DTD1: variants seen among roughly 807,000 people sequenced by gnomAD.
DTD1 encodes the protein D-tyrosyl-tRNA deacylase 1 homolog.
DTD1 carries 13 observed loss-of-function variants against 25.6 expected under a neutral mutation model. That is an observed-to-expected ratio of 0.51 (90% CI 0.33 to 0.81). The LOEUF is 0.81. Ranked by LOEUF, DTD1 falls within the 30% of genes least tolerant of loss-of-function variation. The pLI, the probability that DTD1 is intolerant of heterozygous loss-of-function variation, is 0.02. For synonymous variants in DTD1, 110 were observed against 103.6 expected, an observed-to-expected ratio of 1.06 and a Z score of -0.37; for missense variants, 193 against 266.4, an observed-to-expected ratio of 0.72 and a Z score of 1.92.
At chr20:18,697,708 A>G (rs1362912246) in intron 4 of DTD1, among the ~76,000 whole-genome samples, 1 of 152,232 alleles carries the variant, frequency 6.6e-6, no homozygotes, top group Non-Finnish European at 1.5e-5. Context: ...TTTTTGAGAC[A>G]GAGTCTCGCT....
At chr20:18,612,703 G>T (rs1224506073) in intron 3 of DTD1, among the ~76,000 whole-genome samples, 1 of 151,828 alleles carries the variant, frequency 6.6e-6, no homozygotes, top group Admixed American at 6.6e-5. Context: ...CTGTCGCCCA[G>T]GCTGGAGTGC....
chr20:18,694,733 A>G (rs1453492388), intron 4 of DTD1, among the ~76,000 whole-genome samples: 1 of 152,154 alleles, frequency 6.6e-6, no homozygotes, highest in Non-Finnish European at 1.5e-5. Context: ...GCAGACTCCT[A>G]CTTTTTTTTA....
chr20:18,615,523 G>C (rs561584768), intron 3 of DTD1, among the ~76,000 whole-genome samples: 1 of 152,296 alleles, frequency 6.6e-6, no homozygotes, highest in Non-Finnish European at 1.5e-5. Context: ...ATTGAACGCT[G>C]TCCAAGTTGA....
chr20:18,734,166 A>G (rs1007509405), intron 4 of DTD1, among the ~76,000 whole-genome samples: 3 of 152,172 alleles, frequency 2.0e-5, no homozygotes, highest in Admixed American at 6.5e-5. Context: ...TCAGACTCCT[A>G]TCCTCAGATT....
At chr20:18,748,297 ACCT>A (rs1324838141) in intron 5 of DTD1, among the ~76,000 whole-genome samples, 1 of 152,136 alleles carries the variant, frequency 6.6e-6, no homozygotes, top group African/African-American at 2.4e-5. Context: ...TGTATTATTA[ACCT>A]AATACATTTT....
chr20:18,721,151 A>G (rs547357145), intron 4 of DTD1, among the ~76,000 whole-genome samples: 194 of 152,276 alleles, frequency 1.3e-3, no homozygotes, highest in Non-Finnish European at 2.1e-3. Flanking sequence ...GACTGTCCTA[A>G]TTTTAGAGAC....
intron 4 of DTD1, among the ~76,000 whole-genome samples, chr20:18,740,799 A>G (rs1048955397): frequency 4.6e-5 from 7 of 152,234 alleles, no homozygotes; most frequent in African/African-American, 1.7e-4. Flanking sequence ...ATGAGACAGA[A>G]GGAGTCCTGT....
At chr20:18,690,755 A>G (rs1007802778) in intron 4 of DTD1, among the ~76,000 whole-genome samples, 6 of 151,074 alleles carry the variant, frequency 4.0e-5, no homozygotes, top group Non-Finnish European at 7.3e-5. Context: ...GCCTTATACT[A>G]TAGTTTAATG....
intron 4 of DTD1, among the ~76,000 whole-genome samples, chr20:18,668,739 A>G (rs2060941172): frequency 6.6e-6 from 1 of 152,202 alleles, no homozygotes; most frequent in Non-Finnish European, 1.5e-5. Flanking sequence ...CGCAGCTCAT[A>G]GTCCTCTCTG....
intron 4 of DTD1, among the ~76,000 whole-genome samples, chr20:18,667,383 A>G (rs1326216591): frequency 6.6e-6 from 1 of 152,146 alleles, no homozygotes; most frequent in East Asian, 1.9e-4. Flanking sequence ...AGAGGAGACC[A>G]CTGTTGTCTA....
intron 4 of DTD1, among the ~76,000 whole-genome samples, chr20:18,693,010 C>T (rs912676239): frequency 4.6e-5 from 7 of 151,490 alleles, no homozygotes; most frequent in African/African-American, 1.7e-4. Context: ...CCTGCCTCAG[C>T]CTCCCGAGTA....
At chr20:18,722,109 C>T (rs972164777) in intron 4 of DTD1, among the ~76,000 whole-genome samples, 21 of 152,250 alleles carry the variant, frequency 1.4e-4, no homozygotes, top group Admixed American at 1.1e-3. Context: ...CATCTGATTT[C>T]GTGGCTCCTT....
chr20:18,755,732 C>T (rs1052666564), intron 5 of DTD1, among the ~76,000 whole-genome samples: 33 of 152,274 alleles, frequency 2.2e-4, no homozygotes, highest in African/African-American at 6.3e-4. Flanking sequence ...AATAAACATA[C>T]GTGTGCATAT....
At chr20:18,737,768 C>A (rs2061261977) in intron 4 of DTD1, among the ~76,000 whole-genome samples, 1 of 152,222 alleles carries the variant, frequency 6.6e-6, no homozygotes, top group Admixed American at 6.5e-5. Context: ...CCTCTGGCTT[C>A]TTCAGCCTTC....
chr20:18,644,457 A>G (rs1404797069), intron 4 of DTD1, among the ~76,000 whole-genome samples: 1 of 152,236 alleles, frequency 6.6e-6, no homozygotes, highest in African/African-American at 2.4e-5. Context: ...ATATTTTGGG[A>G]AAACTGTCAG....
intron 4 of DTD1, among the ~76,000 whole-genome samples, chr20:18,688,273 C>G (rs1434478475): frequency 6.6e-6 from 1 of 152,212 alleles, no homozygotes; most frequent in Non-Finnish European, 1.5e-5. Flanking sequence ...AAAACTGACA[C>G]AGACCCTCTC....
intron 4 of DTD1, chr20:18,632,801 A>G: frequency 2.5e-6 from 1 of 405,000 alleles, no homozygotes. Flanking sequence ...ATATGTGTGC[A>G]TGGGTATGTG....
intron 4 of DTD1, among the ~76,000 whole-genome samples, chr20:18,704,001 CTTTT>C (rs201452682): frequency 7.4e-6 from 1 of 135,212 alleles, no homozygotes; most frequent in African/African-American, 2.8e-5. Flanking sequence ...TAGTTGGTAG[CTTTT>C]TTTTTTTTTT....
intron 4 of DTD1, among the ~76,000 whole-genome samples, chr20:18,690,188 A>T (rs1013097454): frequency 3.5e-4 from 46 of 129,732 alleles, no homozygotes; most frequent in African/African-American, 1.2e-3. Flanking sequence ...AAAAAATTGA[A>T]TTATTTGTTT....
Sources: gnomAD v4.1 joint callset for allele counts (sites outside exome capture counted in the v4.1 genomes callset) on GRCh38, gnomAD v4.1.1 for gene constraint, MANE v1.5 for transcripts, NCBI Gene and HGNC (gene_info 2026-07-23, HGNC 2026-07-21) for gene names.